TIAM2: variants seen among roughly 807,000 people sequenced by gnomAD.
TIAM2 encodes TIAM Rac1 associated GEF 2, also known as rho guanine nucleotide exchange factor TIAM2.
TIAM2 carries 80 observed loss-of-function variants against 152.9 expected under a neutral mutation model. The observed-to-expected ratio is 0.52, with a 90% CI of 0.44 to 0.63. The LOEUF is 0.63. Ranked by LOEUF, TIAM2 falls within the 30% of genes least tolerant of loss-of-function variation. The pLI is 0.00. For synonymous variants in TIAM2, 804 were observed against 838.0 expected, an observed-to-expected ratio of 0.96 and a Z score of 0.70; for missense variants, 1,965 against 2,120.1, an observed-to-expected ratio of 0.93 and a Z score of 1.44.
chr6:155,049,011 G>A (rs983989095), intron 1 of TIAM2, among the ~76,000 whole-genome samples: 5 of 151,986 alleles, frequency 3.3e-5, no homozygotes, highest in Non-Finnish European at 7.4e-5. Flanking sequence ...ATATTGGTCA[G>A]GCTGGTCTCG....
At chr6:155,055,955 C>A (rs962774713) in intron 1 of TIAM2, among the ~76,000 whole-genome samples, 4 of 151,860 alleles carry the variant, frequency 2.6e-5, no homozygotes, top group Admixed American at 6.6e-5. Context: ...GAAAGAGAAA[C>A]CCTGACTCAA....
At chr6:155,136,695 T>C (rs1417549983) in intron 4 of TIAM2, among the ~76,000 whole-genome samples, 1 of 152,186 alleles carries the variant, frequency 6.6e-6, no homozygotes, top group Non-Finnish European at 1.5e-5. Context: ...TTTTTGGGTT[T>C]TGCATAACAA....
chr6:155,067,694 G>A (rs1421968667), intron 1 of TIAM2, among the ~76,000 whole-genome samples: 1 of 152,156 alleles, frequency 6.6e-6, no homozygotes, highest in East Asian at 1.9e-4. Context: ...AGGCTGGAAT[G>A]CAGTGTCGTC....
chr6:155,008,981 G>C (rs1458370669), intron 1 of TIAM2, among the ~76,000 whole-genome samples: 7 of 151,136 alleles, frequency 4.6e-5, no homozygotes, highest in African/African-American at 1.7e-4. Flanking sequence ...AAGCACATTA[G>C]GTATTGTTCC....
intron 4 of TIAM2, among the ~76,000 whole-genome samples, chr6:155,134,791 C>T (rs941083482): frequency 9.2e-5 from 14 of 152,116 alleles, no homozygotes; most frequent in African/African-American, 1.4e-4. Context: ...CTGCAACCTC[C>T]GCCTCCCGGG....
intron 1 of TIAM2, among the ~76,000 whole-genome samples, chr6:155,027,865 T>G (rs1225161535): frequency 2.0e-5 from 2 of 101,520 alleles, no homozygotes; most frequent in African/African-American, 9.0e-5. Flanking sequence ...CTGTGTTATA[T>G]ACTATATAAT....
At chr6:155,061,079 A>G (rs1777569687) in intron 1 of TIAM2, among the ~76,000 whole-genome samples, 1 of 152,178 alleles carries the variant, frequency 6.6e-6, no homozygotes, top group South Asian at 2.1e-4. Context: ...TTAGAAACCA[A>G]GTTCTGGGTG....
At chr6:155,016,304 C>T (rs1017308250) in intron 1 of TIAM2, 6 of 152,158 alleles carry the variant, frequency 3.9e-5, no homozygotes, top group East Asian at 1.9e-4. Context: ...AGATGTCACA[C>T]GTCCATGCCT....
At chr6:155,044,261 G>A (rs935261573) in intron 1 of TIAM2, among the ~76,000 whole-genome samples, 5 of 152,108 alleles carry the variant, frequency 3.3e-5, no homozygotes, top group African/African-American at 1.2e-4. Flanking sequence ...AAGACTAGAA[G>A]CCAGGTGTTC....
In TIAM2 at chr6:155,069,055, A is replaced by T. The variant is rs370471299; in HGVS notation, c.-208-21234A>T. 6.4e-4 allele frequency among the ~76,000 whole-genome samples: 97 copies of T among 152,112 alleles called. No homozygotes were observed. In the South Asian group the frequency reaches 0.016, roughly 25 times the overall value. ...CATCTTAGCCTCTCAAATAGCTAGG[A>T]CCACAGGTATGCACCACCACACCTG... On this transcript the variant is annotated intron_variant, in intron 1 of 26. Coordinates refer to ENST00000682666, the MANE Select transcript of TIAM2 (RefSeq NM_012454.4).
Position 155,148,084 on chromosome 6 carries a change from C to T in TIAM2, c.1804-26C>T, listed in dbSNP as rs760144520. On this transcript the variant is annotated intron_variant, in intron 6 of 26. Transcript: ENST00000682666. ...ACTTTAGTGGTAAAATGATTCGAAA[C>T]AGGCTTTCTCCCTCCCTGTGTGTAG... is the stretch of plus-strand genomic sequence containing the variant. 3 of 1,610,872 alleles carry T rather than the reference C, an allele frequency of 1.9e-6. No homozygotes were observed. The East Asian group carries it at 6.7e-5, about 36-fold the overall frequency.
intron 7 of TIAM2, among the ~76,000 whole-genome samples, chr6:155,154,182 A>G (rs919613374): frequency 2.6e-5 from 4 of 152,154 alleles, no homozygotes; most frequent in Admixed American, 2.6e-4. Context: ...TTAAAACCTC[A>G]ATAAATATAC....
intron 1 of TIAM2, among the ~76,000 whole-genome samples, chr6:155,029,484 ACTATAGTATATAT>A (rs1776763859): frequency 7.3e-5 from 1 of 13,788 alleles, no homozygotes; most frequent in East Asian, 2.3e-3. Context: ...TAGTATATAT[ACTATAGTATATAT>A]TATATATAAT....
chr6:155,232,646 C>T (rs1171338149), intron 15 of TIAM2: 1 of 152,240 alleles, frequency 6.6e-6, no homozygotes, highest in Non-Finnish European at 1.5e-5. Context: ...GATGGCTCAG[C>T]ACAGAGTGGG....
Position 155,129,938 on chromosome 6 carries a change from A to G in TIAM2, c.715A>G (p.Lys239Glu). 1 of 1,614,008 alleles carries G rather than the reference A, an allele frequency of 6.2e-7. No homozygotes were observed. Among genetic ancestry groups the G allele is most frequent in the Non-Finnish European group, 8.5e-7 (1 of 1,180,024 alleles). Reference protein sequence around the residue: ...SPTDSRLRSSKGSSLSSESSW... With the variant: ...SPTDSRLRSSEGSSLSSESSW... Reference sequence around the variant, plus strand: ...CACGGACTCTCGCCTGCGGTCCAGCAAAGGCAGCTCCCTGAGTTCTGAGTC... The same window carrying G: ...CACGGACTCTCGCCTGCGGTCCAGCGAAGGCAGCTCCCTGAGTTCTGAGTC... Residue 239 changes from lysine to glutamate, a missense_variant, in exon 4 of 27, where the codon AAA becomes GAA. Around this residue, in one of 3 missense-constraint regions of TIAM2, gnomAD observed 1,025 missense variants for 1,119.4 expected, o/e 0.92. Transcript: ENST00000682666. This position sits in a 1 kb window ranked among gnomAD's most constrained non-coding sequence, Gnocchi z 4.8.
intron 9 of TIAM2, among the ~76,000 whole-genome samples, chr6:155,173,516 T>C (rs1443701109): frequency 6.6e-6 from 1 of 152,242 alleles, no homozygotes; most frequent in Admixed American, 6.5e-5. Flanking sequence ...TTCTCGAAGC[T>C]TCCAGAGAGC....
intron 1 of TIAM2, among the ~76,000 whole-genome samples, chr6:155,081,765 A>G (rs1778067313): frequency 6.6e-6 from 1 of 152,154 alleles, no homozygotes; most frequent in African/African-American, 2.4e-5. Flanking sequence ...GTGATGTGTG[A>G]ATGTTTCTTT....
chr6:155,022,916 T>C (rs1050548100), intron 1 of TIAM2, among the ~76,000 whole-genome samples: 3 of 152,242 alleles, frequency 2.0e-5, no homozygotes, highest in Admixed American at 6.5e-5. Flanking sequence ...TTGGCAGCCA[T>C]GGACGTGGAT....
At chr6:155,235,599 T>C (rs1782712674) in intron 15 of TIAM2, among the ~76,000 whole-genome samples, 2 of 152,366 alleles carry the variant, frequency 1.3e-5, no homozygotes, top group Middle Eastern at 3.4e-3. Context: ...GACACACTTA[T>C]AATTACTCTT....
Sources: allele counts gnomAD v4.1 joint callset (sites outside exome capture counted in the v4.1 genomes callset), GRCh38; gene constraint gnomAD v4.1.1; regional missense constraint gnomAD v4.1.1; non-coding constraint Gnocchi (gnomAD v3.1); transcripts MANE v1.5; gene names NCBI Gene and HGNC (gene_info 2026-07-23, HGNC 2026-07-21).